The following CD109 variants were observed in gnomAD, a reference collection of about 807,000 sequenced individuals.
CD109 encodes the protein CD109 antigen.
A neutral mutation model predicts 165.8 loss-of-function variants in CD109; 149 were observed. The ratio of observed to expected loss-of-function variants is 0.90; its 90% CI spans 0.79 to 1.03. The LOEUF is 1.03. Among genes scored for constraint, CD109 ranks in the 50% least tolerant of loss-of-function variants. CD109 has a pLI of 0.00. For synonymous variants in CD109, 585 were observed against 592.1 expected (o/e 0.99, Z 0.18); for missense variants, 1,712 against 1,677.8 (o/e 1.02, Z -0.36).
At chr6:73,794,529 TA>T (rs1433251529) in intron 23 of CD109, among the ~76,000 whole-genome samples, 1 of 152,116 alleles carries the variant, frequency 6.6e-6, no homozygotes, top group Admixed American at 6.5e-5. Context: ...GTGTTGGGTT[TA>T]AGTAGATGAG....
In CD109 at chr6:73,763,693, G is replaced by A; in HGVS notation, c.1107+8G>A. The A allele has an allele frequency of 7.0e-7, 1 of 1,437,374 alleles. No homozygotes were observed. The highest frequency in any genetic ancestry group is 9.7e-7 in the Non-Finnish European group (1 of 1,035,588). 89.0% of individuals were successfully genotyped at this position (1,437,374 alleles called of 1,614,324 possible). On this transcript the variant is annotated splice_region_variant and intron_variant, in intron 10 of 32. Coordinates refer to ENST00000287097, the MANE Select transcript of CD109 (RefSeq NM_133493.5). ...CTCAACTTCACAGCCACTGTAAGTT[G>A]GTATATTTATTTCCAGTCCATAGCA...
At chr6:73,818,611 A>G (rs1278978012) in intron 31 of CD109, 76 bp downstream of exon 31, 18 of 1,378,698 alleles carry the variant, frequency 1.3e-5, no homozygotes, top group East Asian at 4.7e-5. Flanking sequence ...TACTTTAAGT[A>G]TGTTTTCTTT....
At chr6:73,687,468 C>A in the CD109 span, among the ~76,000 whole-genome samples, 1 of 148,842 alleles carries the variant, frequency 6.7e-6, no homozygotes, top group Non-Finnish European at 1.5e-5. Context: ...CCCTACCCTC[C>A]CCTCCCCTCT....
At chr6:73,788,347 C>T in intron 21 of CD109, 121 bp from the exon 22 acceptor site, 1 of 626,970 alleles carries the variant, frequency 1.6e-6, no homozygotes, top group Non-Finnish European at 2.6e-6. Context: ...TGATAGGTGC[C>T]TATTTAGCCA....
intron 5 of CD109, among the ~76,000 whole-genome samples, chr6:73,749,256 G>C (rs146165277): frequency 6.6e-6 from 1 of 152,144 alleles, no homozygotes. Context: ...GTTAAGTGAT[G>C]GTGGGCATGG....
chr6:73,745,814 C>T (rs766811942), intron 5 of CD109, among the ~76,000 whole-genome samples: 9 of 152,074 alleles, frequency 5.9e-5, no homozygotes, highest in Non-Finnish European at 8.8e-5. Context: ...CTGTAACCTC[C>T]GCCTCCCAGG....
chr6:73,733,008 AC>A (rs1772420181), intron 4 of CD109, among the ~76,000 whole-genome samples: 1 of 152,116 alleles, frequency 6.6e-6, no homozygotes, highest in Non-Finnish European at 1.5e-5. Context: ...CTGTCTCTGT[AC>A]CTGGGAAGTG....
At chr6:73,716,799 G>A (rs1158702883) in intron 2 of CD109, among the ~76,000 whole-genome samples, 3 of 152,100 alleles carry the variant, frequency 2.0e-5, no homozygotes, top group South Asian at 4.1e-4. Context: ...CCCATTTGTC[G>A]ATTTTTGCTT....
At chr6:73,814,873 T>C in intron 29 of CD109, 108 bp from the exon 30 acceptor site, 1 of 642,098 alleles carries the variant, frequency 1.6e-6, no homozygotes, top group East Asian at 3.4e-5. Context: ...AGATTAAAAA[T>C]CTTACTGGGT....
At chr6:73,712,265 A>G (rs948390967) in intron 2 of CD109, among the ~76,000 whole-genome samples, 25 of 152,064 alleles carry the variant, frequency 1.6e-4, no homozygotes, top group African/African-American at 5.6e-4. Context: ...TGGGGGGAAA[A>G]CCCTTATTTC....
At chr6:73,725,300 G>A (rs1047788439) in intron 3 of CD109, among the ~76,000 whole-genome samples, 1 of 152,144 alleles carries the variant, frequency 6.6e-6, no homozygotes, top group African/African-American at 2.4e-5. Flanking sequence ...AGCAGAAGGA[G>A]GGTGGGGTTT....
At chr6:73,762,603 G>A (rs1329289793) in intron 8 of CD109, 123 bp downstream of exon 8, 9 of 956,380 alleles carry the variant, frequency 9.4e-6, no homozygotes, top group Non-Finnish European at 1.4e-5. Context: ...TTCCAGCATT[G>A]AACAAATGAG....
Position 73,823,409 on chromosome 6 carries a change from G to A in CD109, c.4163-49G>A, listed in dbSNP as rs1469919239. ...GCTCTTATATTTTGGCAAAGTCAAT[G>A]TTTCTAAACAAGGGAGCCGTGTGAA... On this transcript the variant is annotated intron_variant, in intron 32 of 32. Coordinates refer to ENST00000287097, the MANE Select transcript of CD109 (RefSeq NM_133493.5). 4.1e-6 allele frequency: 6 copies of A among 1,451,126 alleles called. No homozygotes were observed. In the South Asian group the frequency reaches 7.9e-5, roughly 19 times the overall value. The allele number at this position is 1,451,126 out of a possible 1,614,324, so 89.9% of individuals were successfully genotyped here.
intron 5 of CD109, among the ~76,000 whole-genome samples, chr6:73,738,352 G>A (rs1772625774): frequency 6.6e-6 from 1 of 152,196 alleles, no homozygotes; most frequent in Admixed American, 6.5e-5. Flanking sequence ...GCAAGCCTCT[G>A]CACAGGTGGC....
chr6:73,822,352 C>T (rs1051604739), intron 32 of CD109, among the ~76,000 whole-genome samples: 3 of 152,198 alleles, frequency 2.0e-5, no homozygotes, highest in African/African-American at 7.2e-5. Flanking sequence ...ATGAGATGAA[C>T]TTGTTCCCAT....
intron 30 of CD109, among the ~76,000 whole-genome samples, chr6:73,816,914 A>C (rs560844207): frequency 6.6e-6 from 1 of 152,270 alleles, no homozygotes; most frequent in Admixed American, 6.5e-5. Context: ...TCATGTAAGG[A>C]TGCAGGATTT....
At chr6:73,690,897 G>A (rs1400452869), upstream of CD109, among the ~76,000 whole-genome samples, 1 of 152,144 alleles carries the variant, frequency 6.6e-6, no homozygotes, top group East Asian at 1.9e-4. Flanking sequence ...ATGAAATAAT[G>A]CTTGTCTCTG....
intron 15 of CD109, among the ~76,000 whole-genome samples, chr6:73,778,724 C>T (rs568749610): frequency 6.6e-6 from 1 of 151,774 alleles, no homozygotes; most frequent in Non-Finnish European, 1.5e-5. Context: ...TGGATGCAGC[C>T]ATGGTTGTTG....
intron 7 of CD109, 21 bp downstream of exon 7, chr6:73,759,049 G>T: frequency 7.0e-7 from 1 of 1,433,928 alleles, no homozygotes. Flanking sequence ...TTTTTCTTTT[G>T]ATATGACTCA....
Sources: gnomAD v4.1 joint callset for allele counts (sites outside exome capture counted in the v4.1 genomes callset) on GRCh38, gnomAD v4.1.1 for gene constraint, MANE v1.5 for transcripts, NCBI Gene and HGNC (gene_info 2026-07-23, HGNC 2026-07-21) for gene names.